The following NHSL2 variants were observed in gnomAD, a reference collection of about 807,000 sequenced individuals.
NHSL2 encodes the protein NHS like 2.
In NHSL2, 27 loss-of-function variants were observed where a neutral mutation model predicts 53.4. That is an observed-to-expected ratio of 0.51 (90% CI 0.37 to 0.70). NHSL2 has a LOEUF of 0.70. Ranked by LOEUF, NHSL2 falls within the 30% of genes least tolerant of loss-of-function variation. The pLI, the probability that NHSL2 is intolerant of heterozygous loss-of-function variation, is 0.00. For synonymous variants in NHSL2, 408 were observed against 404.1 expected, an observed-to-expected ratio of 1.01 and a Z score of -0.12; for missense variants, 892 against 980.1, an observed-to-expected ratio of 0.91 and a Z score of 1.20.
At chrX:72,142,572 G>A (rs906159228) in intron 7 of NHSL2, among the ~76,000 whole-genome samples, 7 of 111,377 alleles carry the variant, frequency 6.3e-5, no homozygotes, top group Admixed American at 2.9e-4. Context: ...CCAGGGCCTC[G>A]CATCTCAAAT....
chrX:71,966,054 G>A (rs771541696), intron 1 of NHSL2: 1 of 112,390 alleles, frequency 8.9e-6, no homozygotes, highest in Non-Finnish European at 1.9e-5. Flanking sequence ...TTCAATTTTA[G>A]TATATGTGCT....
chrX:72,082,894 C>T (rs1362643178), intron 1 of NHSL2, among the ~76,000 whole-genome samples: 1 of 112,286 alleles, frequency 8.9e-6, no homozygotes, highest in Admixed American at 9.4e-5. Context: ...CTCCCACATT[C>T]TGTACTCCAG....
At chrX:72,104,483 C>T (rs1366429882) in intron 1 of NHSL2, among the ~76,000 whole-genome samples, 1 of 111,375 alleles carries the variant, frequency 9.0e-6, no homozygotes, top group Non-Finnish European at 1.9e-5. Flanking sequence ...AGGAAATCGG[C>T]CTCATTTGAG....
intron 1 of NHSL2, among the ~76,000 whole-genome samples, chrX:71,948,692 T>A (rs2041805028): frequency 9.1e-6 from 1 of 109,383 alleles, no homozygotes; most frequent in South Asian, 4.0e-4. Context: ...TAGTCGGGCA[T>A]GGAGGCACGC....
intron 1 of NHSL2, among the ~76,000 whole-genome samples, chrX:71,932,493 A>G (rs1395618401): frequency 9.0e-6 from 1 of 111,092 alleles, no homozygotes; most frequent in Non-Finnish European, 1.9e-5. Context: ...GGTGTGCAAG[A>G]TCAGTGCCAG....
chrX:71,967,094 T>C (rs1043100205), intron 1 of NHSL2, among the ~76,000 whole-genome samples: 13 of 112,090 alleles, frequency 1.2e-4, no homozygotes, highest in Admixed American at 3.8e-4. Context: ...GTTCTTTGTA[T>C]TCTTTTATTA....
intron 1 of NHSL2, among the ~76,000 whole-genome samples, chrX:72,115,440 G>GGT (rs1306359904): frequency 2.4e-5 from 2 of 83,056 alleles, no homozygotes; most frequent in Admixed American, 2.6e-4. Flanking sequence ...GCGGGGGGGG[G>GGT]GTGCGGGGGG....
chrX:71,994,630 A>G (rs1420980279), intron 1 of NHSL2, among the ~76,000 whole-genome samples: 1 of 111,837 alleles, frequency 8.9e-6, no homozygotes, highest in Non-Finnish European at 1.9e-5. Context: ...AAAAAAAGGA[A>G]TGAGATGCTG....
At chrX:71,918,977 A>G (rs755804661) in intron 1 of NHSL2, among the ~76,000 whole-genome samples, 13 of 111,916 alleles carry the variant, frequency 1.2e-4, no homozygotes, top group Non-Finnish European at 2.4e-4. Flanking sequence ...AAAATTTACT[A>G]CTATATACAA....
At chrX:71,967,949 G>A (rs543872620) in intron 1 of NHSL2, among the ~76,000 whole-genome samples, 24 of 110,252 alleles carry the variant, frequency 2.2e-4, no homozygotes, top group African/African-American at 6.9e-4. Flanking sequence ...TACTTGTTAG[G>A]ATGGGGAGCG....
chrX:72,131,613 G>A, intron 1 of NHSL2: 2 of 1,028,768 alleles, frequency 1.9e-6, no homozygotes, highest in Non-Finnish European at 2.6e-6. Context: ...GCCGGAGGAG[G>A]CCGAAATGCG....
At chrX:71,955,822 A>G (rs1366095750) in intron 1 of NHSL2, among the ~76,000 whole-genome samples, 1 of 109,380 alleles carries the variant, frequency 9.1e-6, no homozygotes, top group Non-Finnish European at 1.9e-5. Flanking sequence ...TTTTCATTCA[A>G]TTCTGACCAC....
intron 1 of NHSL2, among the ~76,000 whole-genome samples, chrX:72,014,870 G>T (rs1217938846): frequency 5.5e-5 from 6 of 109,319 alleles, no homozygotes; most frequent in Non-Finnish European, 7.6e-5. Context: ...CCAGATGCCT[G>T]CTCAGCCTTC....
At chrX:71,965,487 A>G (rs952124180) in intron 1 of NHSL2, among the ~76,000 whole-genome samples, 1 of 112,445 alleles carries the variant, frequency 8.9e-6, no homozygotes, top group Non-Finnish European at 1.9e-5. Context: ...TCATTTACCA[A>G]TAACACACTG....
In NHSL2 at chrX:72,044,571, T is replaced by C. The variant is rs930115970; in HGVS notation, c.281-87508T>C. 1.3e-5 allele frequency: 12 copies of C among 951,712 alleles called. No individual in the cohort carries two copies. The Admixed American group carries it at 2.7e-4, about 21-fold the overall frequency. 78.4% of individuals were successfully genotyped at this position (951,712 alleles called of 1,213,427 possible). A position where few individuals can be genotyped will look rare whatever the true frequency, so the allele number is the denominator to read the frequency against. On this transcript the variant is annotated intron_variant, in intron 1 of 7. Transcript: ENST00000633930. Reference sequence around the variant, plus strand: ...TGACAAAGAAAAGAAGGAACAACAGTCATGCCAAAAAGGGCCGCGGCCACG... The same window carrying C: ...TGACAAAGAAAAGAAGGAACAACAGCCATGCCAAAAAGGGCCGCGGCCACG...
At chrX:72,070,424 A>G (rs886699522) in intron 1 of NHSL2, among the ~76,000 whole-genome samples, 6 of 110,672 alleles carry the variant, frequency 5.4e-5, no homozygotes, top group Non-Finnish European at 9.5e-5. Context: ...ATATGGACTC[A>G]AGGGTGCTGG....
chrX:72,050,267 G>A (rs1429230078), intron 1 of NHSL2, among the ~76,000 whole-genome samples: 2 of 111,267 alleles, frequency 1.8e-5, no homozygotes, highest in South Asian at 3.8e-4. Context: ...CAGCAAAGGC[G>A]GGTAGGGGCA....
intron 1 of NHSL2, among the ~76,000 whole-genome samples, chrX:72,003,814 TA>T (rs1056613707): frequency 2.9e-4 from 32 of 111,175 alleles, no homozygotes; most frequent in Non-Finnish European, 5.9e-4. Context: ...AAGGAAAGAT[TA>T]AAAAAATCTT....
At chrX:71,918,507 T>C (rs1409477883) in intron 1 of NHSL2, among the ~76,000 whole-genome samples, 2 of 111,355 alleles carry the variant, frequency 1.8e-5, no homozygotes, top group East Asian at 5.6e-4. Context: ...CCCCAGTAAC[T>C]GAAAAATACC....
Sources: allele counts gnomAD v4.1 joint callset (sites outside exome capture counted in the v4.1 genomes callset), GRCh38; gene constraint gnomAD v4.1.1; transcripts MANE v1.5; gene names NCBI Gene and HGNC (gene_info 2026-07-23, HGNC 2026-07-21).